YWHAZ: variants seen among roughly 807,000 people sequenced by gnomAD.
YWHAZ encodes the protein tyrosine 3-monooxygenase/tryptophan 5-monooxygenase activation protein zeta.
For synonymous variants in YWHAZ, 87 were observed against 103.6 expected, an observed-to-expected ratio of 0.84 and a Z score of 0.97; for missense variants, 79 against 284.8, an observed-to-expected ratio of 0.28 and a Z score of 5.20.
upstream of YWHAZ, chr8:100,953,349 C>T: frequency 3.0e-6 from 3 of 985,464 alleles, no homozygotes; most frequent in South Asian, 9.4e-5. Context: ...GGCCACAGGC[C>T]GGGTGATGAG....
Position 100,948,823 on chromosome 8 carries a change from C to T in YWHAZ, c.67G>A (p.Ala23Thr). Residue 23 changes from alanine (A) to threonine (T), a missense_variant, in exon 2 of 6, where the codon GCA (alanine) becomes ACA (threonine). Coordinates refer to ENST00000395958, the MANE Select transcript of YWHAZ (RefSeq NM_145690.3). This position sits in a 1 kb window ranked among gnomAD's most constrained non-coding sequence, Gnocchi z 4.2. ...TCAGTTACAGACTTCATGCAGGCTG[C>T]CATGTCATCATATCGCTCAGCCTGC... ...AEQAERYDDM[A>T]ACMKSVTEQG... The T allele has an allele frequency of 2.5e-6, 4 of 1,599,308 alleles. No homozygotes were observed. The highest frequency in any genetic ancestry group is 3.4e-6 in the Non-Finnish European group (4 of 1,179,902).
upstream of YWHAZ, chr8:100,953,201 A>C (rs1432380247): frequency 2.0e-6 from 2 of 984,992 alleles, no homozygotes; most frequent in Admixed American, 6.1e-5. Flanking sequence ...CGTTTCTCGT[A>C]GGCTAGGTTT....
intron 1 of YWHAZ, chr8:100,950,676 G>T: frequency 1.2e-6 from 1 of 828,718 alleles, no homozygotes; most frequent in African/African-American, 1.9e-5. Context: ...GGGAGAGATG[G>T]GGAGCGAAGC....
chr8:100,947,997 A>G, intron 2 of YWHAZ: 1 of 1,098,646 alleles, frequency 9.1e-7, no homozygotes, highest in Non-Finnish European at 1.3e-6. Context: ...CTGAATACTT[A>G]AAATACTCGA....
At chr8:100,941,811 A>C (rs1171025707) in intron 2 of YWHAZ, among the ~76,000 whole-genome samples, 1 of 3,140 alleles carries the variant, frequency 3.2e-4, no homozygotes, top group Admixed American at 4.4e-3. Context: ...AAAAAACGAC[A>C]AAAAAAAAAA....
intron 1 of YWHAZ, among the ~76,000 whole-genome samples, chr8:100,950,091 A>G (rs768791567): frequency 2.6e-5 from 4 of 152,218 alleles, no homozygotes; most frequent in Admixed American, 1.3e-4. Flanking sequence ...ATGAGAGAAC[A>G]GGTCGCCACA....
At chr8:100,952,242 C>T (rs1586173896), upstream of YWHAZ, 1 of 740,790 alleles carries the variant, frequency 1.3e-6, no homozygotes, top group South Asian at 6.1e-5. Flanking sequence ...CGCGCGTCCT[C>T]GCCCGCAGCC....
chr8:100,921,898 C>T (rs1813049321), intron 5 of YWHAZ, among the ~76,000 whole-genome samples: 1 of 152,148 alleles, frequency 6.6e-6, no homozygotes, highest in South Asian at 2.1e-4. Flanking sequence ...TTATATATGA[C>T]TTACACATGA....
upstream of YWHAZ, chr8:100,952,199 C>G: frequency 1.0e-6 from 1 of 979,722 alleles, no homozygotes; most frequent in South Asian, 4.7e-5. Flanking sequence ...GGCGCTCGTC[C>G]TGCCCGCCCG....
chr8:100,951,216 C>T, intron 1 of YWHAZ: 2 of 984,984 alleles, frequency 2.0e-6, no homozygotes, highest in South Asian at 4.7e-5. Context: ...CGCCGGCGCG[C>T]AGCCTCGCCC....
Position 100,918,381 on chromosome 8 carries a change from T to G in YWHAZ, c.*2312A>C, listed in dbSNP as rs1812793719. ...AAACAACAAAAAAATTCCCACCTCT[T>G]CAGTCTAGCTATAAAATATAATTAC... is the stretch of plus-strand genomic sequence containing the variant. On this transcript the variant is annotated 3_prime_UTR_variant, in exon 6 of 6. Transcript: ENST00000395958. 8.6e-6 allele frequency: 1 copy of G among 116,808 alleles called. No individual in the cohort carries two copies. Among genetic ancestry groups the G allele is most frequent in the African/African-American group, 3.0e-5 (1 of 32,972 alleles). The allele number at this position is 116,808 out of a possible 1,614,324, so 7.2% of individuals were successfully genotyped here. A position where few individuals can be genotyped will look rare whatever the true frequency, so the allele number is the denominator to read the frequency against.
chr8:100,950,230 C>T lies in YWHAZ; in HGVS notation c.-11-1330G>A, dbSNP rs113788028. 5.8e-3 allele frequency among the ~76,000 whole-genome samples: 887 copies of T among 152,304 alleles called. 6 individuals are homozygous for T. Among genetic ancestry groups the T allele is most frequent in the Non-Finnish European group, 8.8e-3 (601 of 68,014 alleles). On this transcript the variant is annotated intron_variant, in intron 1 of 5. Transcript: ENST00000395958. The stretch of plus-strand genomic sequence containing the variant: ...GATTTTTCCCTTAGGATCTCAGAAA[C>T]GCTCTCTGGTTATTTCTGCTTCTAA...
At chr8:100,923,893 C>A in intron 5 of YWHAZ, 62 bp downstream of exon 5, 1 of 1,385,520 alleles carries the variant, frequency 7.2e-7, no homozygotes, top group Non-Finnish European at 9.7e-7. Flanking sequence ...AAAAAAATTC[C>A]CTAGAGTAAA....
intron 1 of YWHAZ, among the ~76,000 whole-genome samples, chr8:100,949,993 A>C (rs1810588875): frequency 6.6e-6 from 1 of 152,242 alleles, no homozygotes; most frequent in South Asian, 2.1e-4. Context: ...TTAGAAGGTG[A>C]ACAGAAGAGT....
intron 2 of YWHAZ, among the ~76,000 whole-genome samples, chr8:100,931,275 C>CT (rs1397589853): frequency 3.3e-5 from 5 of 152,192 alleles, no homozygotes; most frequent in South Asian, 2.1e-4. Context: ...GACAGGTCAT[C>CT]TGTTTCTGAT....
intron 2 of YWHAZ, among the ~76,000 whole-genome samples, chr8:100,946,973 G>T (rs950313110): frequency 7.3e-5 from 11 of 151,488 alleles, no homozygotes; most frequent in Admixed American, 2.6e-4. Flanking sequence ...TAAATATTTG[G>T]CCGGGCGCGG....
chr8:100,945,977 T>G (rs1810236530), intron 2 of YWHAZ, among the ~76,000 whole-genome samples: 1 of 152,130 alleles, frequency 6.6e-6, no homozygotes, highest in Admixed American at 6.5e-5. Flanking sequence ...AAAGCTTGTT[T>G]AGAATTCTCT....
At position 100,927,924 on chromosome 8, in the gene YWHAZ, A is replaced by G. The variant is rs139540542; in HGVS notation, c.295-2885T>C. ...CAGCAGTCAGGCTGCTTACTGGCCT[A>G]ATGATAGACCAAAAGAACCAAACAA... is the stretch of plus-strand genomic sequence containing the variant. On this transcript the variant is annotated intron_variant, in intron 2 of 5. Coordinates refer to ENST00000395958, the MANE Select transcript of YWHAZ (RefSeq NM_145690.3). Among the ~76,000 whole-genome samples the G allele has an allele frequency of 2.6e-5, 4 of 152,342 alleles. No homozygotes were observed. The East Asian group carries it at 5.8e-4, about 22-fold the overall frequency.
At chr8:100,940,330 AGTGGCACGCTAT>A (rs1022982978) in intron 2 of YWHAZ, among the ~76,000 whole-genome samples, 1 of 152,114 alleles carries the variant, frequency 6.6e-6, no homozygotes, top group Non-Finnish European at 1.5e-5. Flanking sequence ...TTAGCTTGTA[AGTGGCACGCTAT>A]GTATTATGGA....
Sources: allele counts gnomAD v4.1 joint callset (sites outside exome capture counted in the v4.1 genomes callset), GRCh38; gene constraint gnomAD v4.1.1; non-coding constraint Gnocchi (gnomAD v3.1); transcripts MANE v1.5; gene names NCBI Gene and HGNC (gene_info 2026-07-23, HGNC 2026-07-21).